The following NEBL variants were observed in gnomAD, a reference collection of about 807,000 sequenced individuals.
The protein encoded by NEBL is LIM and SH3 protein 2.
NEBL carries 122 observed loss-of-function variants against 140.2 expected under a neutral mutation model. That is an observed-to-expected ratio of 0.87 (90% CI 0.75 to 1.01). NEBL has a LOEUF of 1.01. NEBL is among the 50% of genes least tolerant of loss of function. NEBL has a pLI of 0.00. For synonymous variants in NEBL, 436 were observed against 398.9 expected, an observed-to-expected ratio of 1.09 and a Z score of -1.11; for missense variants, 1,365 against 1,231.3, an observed-to-expected ratio of 1.11 and a Z score of -1.62.
chr10:20,795,490 C>T (rs1309075743), intron 26 of NEBL, among the ~76,000 whole-genome samples: 3 of 152,092 alleles, frequency 2.0e-5, no homozygotes, highest in African/African-American at 7.2e-5. Context: ...GAAGCAATGA[C>T]TTTTAGATTT....
At chr10:21,260,902 G>A (rs2132280494) in intron 1 of NEBL, among the ~76,000 whole-genome samples, 1 of 152,286 alleles carries the variant, frequency 6.6e-6, no homozygotes, top group African/African-American at 2.4e-5. Flanking sequence ...AAAAACATTA[G>A]GGAGTCACAG....
At chr10:20,850,590 C>A (rs192193218) in intron 10 of NEBL, 88 bp from the exon 11 acceptor site, 1 of 846,184 alleles carries the variant, frequency 1.2e-6, no homozygotes, top group South Asian at 1.5e-5. Context: ...CTAAACTAGT[C>A]ATCTTGTTGT....
intron 4 of NEBL, among the ~76,000 whole-genome samples, chr10:20,940,935 C>T (rs1020718535): frequency 6.6e-6 from 1 of 152,088 alleles, no homozygotes; most frequent in Non-Finnish European, 1.5e-5. Flanking sequence ...GAAATTGAGG[C>T]AATAATTAAT....
At chr10:20,795,730 C>T (rs1255808724) in intron 26 of NEBL, among the ~76,000 whole-genome samples, 3 of 152,174 alleles carry the variant, frequency 2.0e-5, no homozygotes, top group Non-Finnish European at 2.9e-5. Context: ...CACTGAGTGA[C>T]AACAGCTGCA....
At chr10:21,159,643 A>C (rs528087060) in intron 2 of NEBL, among the ~76,000 whole-genome samples, 15 of 152,352 alleles carry the variant, frequency 9.8e-5, no homozygotes, top group Admixed American at 3.9e-4. Context: ...TCCAATCTGG[A>C]CAAGAGGCAC....
intron 12 of NEBL, among the ~76,000 whole-genome samples, chr10:20,842,395 T>A (rs763693304): frequency 2.6e-5 from 4 of 151,686 alleles, no homozygotes; most frequent in Non-Finnish European, 4.4e-5. Context: ...GGGGGGATCA[T>A]AGGAAATGAA....
intron 1 of NEBL, among the ~76,000 whole-genome samples, chr10:21,265,254 G>A (rs1244925973): frequency 6.6e-6 from 1 of 152,020 alleles, no homozygotes; most frequent in Admixed American, 6.6e-5. Flanking sequence ...TATAAGGATG[G>A]AGCCCTCATG....
At chr10:21,171,557 G>T (rs1841077001) in intron 2 of NEBL, 1 of 152,050 alleles carries the variant, frequency 6.6e-6, no homozygotes, top group Non-Finnish European at 1.5e-5. Context: ...TCCTGAGCCT[G>T]ATCCTCTCAA....
intron 4 of NEBL, chr10:20,961,594 T>A (rs2131617872): frequency 9.2e-7 from 1 of 1,089,940 alleles, no homozygotes; most frequent in East Asian, 2.4e-5. Flanking sequence ...CACAAACACT[T>A]CCAAGTCATC....
chr10:21,195,418 A>G (rs975288411), intron 3 of NEBL, among the ~76,000 whole-genome samples: 8 of 152,246 alleles, frequency 5.3e-5, no homozygotes, highest in Admixed American at 1.3e-4. Flanking sequence ...TAAACATCAC[A>G]ACATATCCAG....
At chr10:20,872,341 C>T (rs1035635678) in intron 5 of NEBL, among the ~76,000 whole-genome samples, 2 of 152,134 alleles carry the variant, frequency 1.3e-5, no homozygotes, top group Non-Finnish European at 2.9e-5. Context: ...AAAAAGCTTC[C>T]GCGCCTGATC....
chr10:21,126,529 C>A (rs1028473437), intron 2 of NEBL, among the ~76,000 whole-genome samples: 6 of 152,136 alleles, frequency 3.9e-5, no homozygotes, highest in African/African-American at 1.2e-4. Context: ...AGAATATTAG[C>A]ATACACCATC....
chr10:21,127,182 A>T (rs1011135264), intron 2 of NEBL, among the ~76,000 whole-genome samples: 1 of 152,100 alleles, frequency 6.6e-6, no homozygotes, highest in Non-Finnish European at 1.5e-5. Context: ...CCAGGACCCC[A>T]ATTCATTATT....
chr10:20,835,034 T>G (rs945810103), intron 14 of NEBL, among the ~76,000 whole-genome samples: 34 of 152,254 alleles, frequency 2.2e-4, no homozygotes, highest in Non-Finnish European at 4.1e-4. Flanking sequence ...TGTGTAGAAA[T>G]TTCATGCGTG....
chr10:21,093,142 C>T (rs1356075016), intron 2 of NEBL, among the ~76,000 whole-genome samples: 3 of 50,442 alleles, frequency 5.9e-5, no homozygotes, highest in Non-Finnish European at 9.0e-5. Context: ...ATTCATTTAG[C>T]AACAAGTCTT....
chr10:20,962,054 T>A (rs747991629), intron 3 of NEBL, among the ~76,000 whole-genome samples: 19 of 152,132 alleles, frequency 1.2e-4, no homozygotes, highest in Non-Finnish European at 1.9e-4. Context: ...CAATGGCTAT[T>A]TAAGAGGTTG....
chr10:21,151,150 C>T (rs1840119584), intron 2 of NEBL, among the ~76,000 whole-genome samples: 1 of 152,144 alleles, frequency 6.6e-6, no homozygotes, highest in African/African-American at 2.4e-5. Context: ...TTTCCAAGTT[C>T]CATTTAAAGC....
chr10:21,032,415 T>C (rs1564487026), intron 2 of NEBL, among the ~76,000 whole-genome samples: 1 of 152,210 alleles, frequency 6.6e-6, no homozygotes, highest in Non-Finnish European at 1.5e-5. Context: ...AAGATGCTTT[T>C]TGAGCCTATC....
chr10:21,193,724 T>G (rs930031277), intron 3 of NEBL, among the ~76,000 whole-genome samples: 2 of 152,192 alleles, frequency 1.3e-5, no homozygotes, highest in Non-Finnish European at 2.9e-5. Context: ...CCATATATTT[T>G]CCTTGCATTG....
Sources: gnomAD v4.1 joint callset for allele counts (sites outside exome capture counted in the v4.1 genomes callset) on GRCh38, gnomAD v4.1.1 for gene constraint, MANE v1.5 for transcripts, NCBI Gene and HGNC (gene_info 2026-07-23, HGNC 2026-07-21) for gene names.